Variants in TLE5 observed in about 807,000 individuals in gnomAD.
TLE5 encodes TLE family member 5, transcriptional modulator, also known as TLE family member 5.
Under a neutral mutation model 25.8 loss-of-function variants are expected in TLE5, and 7 were observed. That is an observed-to-expected ratio of 0.27 (90% CI 0.15 to 0.51). TLE5 has a LOEUF of 0.51. TLE5 is among the 20% of genes least tolerant of loss of function. The pLI is 0.97. For missense variants in TLE5, 149 were observed against 250.7 expected (o/e 0.59, Z 2.74); for synonymous variants, 132 against 110.5 (o/e 1.20, Z -1.22).
At chr19:3,054,090 C>CTGG in intron 6 of TLE5, 30 bp downstream of exon 6, 4 of 769,124 alleles carry the variant, frequency 5.2e-6, no homozygotes, top group Non-Finnish European at 8.1e-6. Context: ...CACCTGTCCC[C>CTGG]CGCCCACCCG....
At chr19:3,056,185 C>G (rs1347152126) in intron 4 of TLE5, 127 bp downstream of exon 4, 24 of 599,614 alleles carry the variant, frequency 4.0e-5, no homozygotes, top group Non-Finnish European at 6.9e-5. Flanking sequence ...AACAGGATAA[C>G]CGGGCTGGCT....
upstream of TLE5, chr19:3,062,656 G>T: frequency 7.6e-7 from 1 of 1,323,856 alleles, no homozygotes; most frequent in Non-Finnish European, 9.6e-7. Context: ...CTTGGGCCCG[G>T]CCCGCCCCCG....
At chr19:3,055,814 G>T in intron 4 of TLE5, 88 bp from the exon 5 acceptor site, 1 of 1,400,562 alleles carries the variant, frequency 7.1e-7, no homozygotes, top group Non-Finnish European at 9.6e-7. Flanking sequence ...GCCCGGCCCA[G>T]CCCTGCCACT....
At chr19:3,057,472 G>A (rs1391519311) in intron 3 of TLE5, 1 of 574,614 alleles carries the variant, frequency 1.7e-6, no homozygotes, top group Admixed American at 3.1e-5. Context: ...CGGCGGTTTG[G>A]CACCTCGGCC....
chr19:3,054,143 G>A lies in TLE5; in HGVS notation c.349C>T (p.Pro117Ser), dbSNP rs777459832. ...AIERAKQVTA[P>S]ELNSIIRQQL... ...ACTCGGATGATAGAGTTCAGCTCGG[G>A]AGCGGTGACCTGCTTGGCCCTCTCA... is the stretch of plus-strand genomic sequence containing the variant. Residue 117 changes from proline (P) to serine (S), a missense_variant, in exon 6 of 7, where the codon CCC becomes TCC. Pro to Ser is a moderately conservative substitution (Grantham distance 74). Coordinates refer to ENST00000327141, the MANE Select transcript of TLE5 (RefSeq NM_001130.6). 1.9e-6 allele frequency: 3 copies of A among 1,606,746 alleles called. No individual in the cohort carries two copies. Among genetic ancestry groups the A allele is most frequent in the South Asian group, 1.1e-5 (1 of 90,032 alleles).
chr19:3,056,369 GA>G lies in TLE5; in HGVS notation c.190-14del. Reference sequence around the variant, plus strand: ...ACATCTCGTAGTACTGTATGGGGGAGAGAGAGGGGGAGCGGGAGATGGGGGT... The same window carrying G: ...ACATCTCGTAGTACTGTATGGGGGAGGAGAGGGGGAGCGGGAGATGGGGGT... On this transcript the variant is annotated splice_polypyrimidine_tract_variant and intron_variant, in intron 3 of 6. Transcript: ENST00000327141. 4 of 1,042,928 alleles carry G rather than the reference GA, an allele frequency of 3.8e-6. No individual in the cohort carries two copies. Among genetic ancestry groups the G allele is most frequent in the Non-Finnish European group, 5.1e-6 (4 of 779,146 alleles). The allele number at this position is 1,042,928 out of a possible 1,614,324, so 64.6% of individuals were successfully genotyped here.
chr19:3,059,845 G>A (rs1362673216), intron 2 of TLE5, among the ~76,000 whole-genome samples: 3 of 152,166 alleles, frequency 2.0e-5, no homozygotes, highest in Non-Finnish European at 4.4e-5. Flanking sequence ...CCGCACAAAA[G>A]CTTCTGGGGC....
chr19:3,054,086 T>TGGGGGGGGGCGCCC, intron 6 of TLE5, 34 bp downstream of exon 6: 1 of 1,512,816 alleles, frequency 6.6e-7, no homozygotes, highest in Non-Finnish European at 8.9e-7. Flanking sequence ...GGCCCACCTG[T>TGGGGGGGGGCGCCC]CCCCCGCCCA....
Position 3,057,705 on chromosome 19 carries a change from A to T in TLE5, c.163T>A (p.Ser55Thr). Residue 55 changes from serine (S) to threonine (T), a missense_variant, in exon 3 of 7, where the codon TCA (serine) becomes ACA (threonine). Coordinates refer to ENST00000327141, the MANE Select transcript of TLE5 (RefSeq NM_001130.6). ...ATCACATAGTGACGCTGCATCTCTG[A>T]CTTCTCACTGGCCAACTTGTCACAT... Reference protein sequence around the residue: ...LECDKLASEKSEMQRHYVMYY... With the variant: ...LECDKLASEKTEMQRHYVMYY... 6.2e-7 allele frequency: 1 copy of T among 1,613,588 alleles called. No individual in the cohort carries two copies. Among genetic ancestry groups the T allele is most frequent in the East Asian group, 2.2e-5 (1 of 44,864 alleles).
upstream of TLE5, chr19:3,062,748 C>G (rs1159189132): frequency 6.5e-7 from 1 of 1,545,700 alleles, no homozygotes. Context: ...AGAAAAGGGA[C>G]CCGGCTGCCC....
intron 2 of TLE5, chr19:3,060,827 G>C: frequency 5.6e-6 from 1 of 177,522 alleles, no homozygotes; most frequent in South Asian, 1.3e-4. Flanking sequence ...TCTGTTTTGG[G>C]GGTTGAGGGA....
rs929542100 is a variant in TLE5, at chr19:3,056,541, G to A, written c.190-185C>T. On this transcript the variant is annotated intron_variant, in intron 3 of 6. Transcript: ENST00000327141. Reference sequence around the variant, plus strand: ...GAGGAGGGAGAGACGCCCACACCCAGCATCCCAGCCCGCCCTGGAGAGGGG... The same window carrying A: ...GAGGAGGGAGAGACGCCCACACCCAACATCCCAGCCCGCCCTGGAGAGGGG... 11 of 619,808 alleles carry A rather than the reference G, an allele frequency of 1.8e-5. No homozygotes were observed. In the East Asian group the frequency reaches 3.0e-4, roughly 17 times the overall value. 38.4% of individuals were successfully genotyped at this position (619,808 alleles called of 1,614,324 possible).
At chr19:3,055,513 G>T in intron 5 of TLE5, 151 bp downstream of exon 5, 1 of 571,230 alleles carries the variant, frequency 1.8e-6, no homozygotes. Context: ...TTCTGCACAG[G>T]CCGGCTCTGG....
intron 5 of TLE5, 180 bp downstream of exon 5, chr19:3,055,484 G>C: frequency 2.2e-6 from 1 of 448,222 alleles, no homozygotes; most frequent in Non-Finnish European, 3.9e-6. Context: ...CCCCTGGAGT[G>C]TCTCTGGCCC....
Position 3,059,779 on chromosome 19 carries a change from A to G in TLE5, c.125+1381T>C, listed in dbSNP as rs1599273360. Among the ~76,000 whole-genome samples, 5 of 152,222 alleles carry G rather than the reference A, an allele frequency of 3.3e-5. No individual in the cohort carries two copies. In the South Asian group the frequency reaches 1.0e-3, roughly 32 times the overall value. ...CCGCCATCTGATCCCTTCCCTGTGGAATCAGGTCAGCCCCGGGGCTCACCA... is the reference window on the plus strand; with the variant it reads ...CCGCCATCTGATCCCTTCCCTGTGGGATCAGGTCAGCCCCGGGGCTCACCA... On this transcript the variant is annotated intron_variant, in intron 2 of 6. Transcript: ENST00000327141.
chr19:3,056,638 CCA>C (rs2090221767), intron 3 of TLE5: 1 of 640,342 alleles, frequency 1.6e-6, no homozygotes, highest in African/African-American at 1.8e-5. Context: ...GGCTCCTCCC[CCA>C]CTCCATGTGC....
At chr19:3,056,428 A>G (rs1483401863) in intron 3 of TLE5, 72 bp from the exon 4 acceptor site, 2 of 469,918 alleles carry the variant, frequency 4.3e-6, no homozygotes, top group Non-Finnish European at 3.9e-6. Flanking sequence ...AGACAAAGAG[A>G]TAGGGGAGTG....
chr19:3,058,417 A>C (rs1032343516), intron 2 of TLE5, among the ~76,000 whole-genome samples: 1 of 152,052 alleles, frequency 6.6e-6, no homozygotes, highest in Non-Finnish European at 1.5e-5. Flanking sequence ...CACAGGGGAA[A>C]ATTTTCCAGA....
intron 5 of TLE5, 62 bp downstream of exon 5, chr19:3,055,602 G>T: frequency 6.8e-7 from 1 of 1,473,222 alleles, no homozygotes; most frequent in Non-Finnish European, 9.2e-7. Flanking sequence ...TGGCTGCAGT[G>T]GACAGGGGCT....
Sources: gnomAD v4.1 joint callset for allele counts (sites outside exome capture counted in the v4.1 genomes callset) on GRCh38, gnomAD v4.1.1 for gene constraint, MANE v1.5 for transcripts, NCBI Gene and HGNC (gene_info 2026-07-23, HGNC 2026-07-21) for gene names.